YEATS4: variants seen among roughly 807,000 people sequenced by gnomAD.
YEATS4 encodes the protein YEATS domain containing 4.
YEATS4 carries 17 observed loss-of-function variants against 30.1 expected under a neutral mutation model. That is an observed-to-expected ratio of 0.56 (90% CI 0.39 to 0.85). The LOEUF is 0.85. YEATS4 is among the 40% of genes least tolerant of loss of function. The pLI is 0.00. For missense variants in YEATS4, 142 were observed against 268.3 expected (o/e 0.53, Z 3.29); for synonymous variants, 85 against 87.5 (o/e 0.97, Z 0.16).
At chr12:69,396,057 T>C in the YEATS4 span, among the ~76,000 whole-genome samples, 1 of 152,188 alleles carries the variant, frequency 6.6e-6, no homozygotes, top group African/African-American at 2.4e-5. Flanking sequence ...CAACTCTAGG[T>C]AGCCCTCCTG....
At chr12:69,412,283 T>C in the YEATS4 span, among the ~76,000 whole-genome samples, 1 of 152,184 alleles carries the variant, frequency 6.6e-6, no homozygotes, top group Non-Finnish European at 1.5e-5. Flanking sequence ...AGGCTGGCTC[T>C]AAGCACTTGA....
intron 6 of YEATS4, among the ~76,000 whole-genome samples, chr12:69,373,839 A>T (rs996692583): frequency 2.6e-5 from 4 of 152,234 alleles, no homozygotes; most frequent in African/African-American, 9.6e-5. Flanking sequence ...ATTCTTCTGC[A>T]TATAGATATC....
intron 4 of YEATS4, 92 bp downstream of exon 4, chr12:69,365,976 T>G: frequency 1.0e-6 from 1 of 975,572 alleles, no homozygotes; most frequent in South Asian, 2.1e-5. Context: ...CATTCAGATG[T>G]GTTTTATGTA....
chr12:69,382,901 CA>C (rs1182328477), intron 6 of YEATS4, among the ~76,000 whole-genome samples: 1 of 152,074 alleles, frequency 6.6e-6, no homozygotes, highest in Admixed American at 6.5e-5. Context: ...TGAGGAACTC[CA>C]AAAAAGTCAT....
intron 6 of YEATS4, among the ~76,000 whole-genome samples, chr12:69,381,198 C>T (rs190929731): frequency 2.4e-4 from 37 of 152,214 alleles, no homozygotes; most frequent in African/African-American, 8.2e-4. Context: ...AAAAGACAGC[C>T]GCCCCTGAAG....
the YEATS4 span, among the ~76,000 whole-genome samples, chr12:69,413,248 A>G: frequency 6.6e-6 from 1 of 151,948 alleles, no homozygotes; most frequent in Non-Finnish European, 1.5e-5. Context: ...CTTTGTCTCT[A>G]CAAACAGTGT....
chr12:69,421,012 GA>G, the YEATS4 span, among the ~76,000 whole-genome samples: 1 of 152,060 alleles, frequency 6.6e-6, no homozygotes, highest in Non-Finnish European at 1.5e-5. Context: ...CCATTCTAGG[GA>G]TATGCCACAT....
At chr12:69,397,020 C>T in the YEATS4 span, among the ~76,000 whole-genome samples, 1 of 152,092 alleles carries the variant, frequency 6.6e-6, no homozygotes, top group Non-Finnish European at 1.5e-5. Flanking sequence ...TGACATAGCA[C>T]ATGTAAAAGC....
the YEATS4 span, among the ~76,000 whole-genome samples, chr12:69,418,144 A>G: frequency 1.3e-5 from 2 of 152,284 alleles, no homozygotes; most frequent in Non-Finnish European, 2.9e-5. Context: ...GCAGGTGATA[A>G]TGCTGTTCAA....
chr12:69,371,962 G>T (rs923863705), intron 6 of YEATS4, among the ~76,000 whole-genome samples: 6 of 152,158 alleles, frequency 3.9e-5, no homozygotes, highest in Non-Finnish European at 5.9e-5. Flanking sequence ...GGAGCAGTGA[G>T]GACAAAGGCC....
chr12:69,378,831 T>A (rs1396688831), intron 6 of YEATS4, among the ~76,000 whole-genome samples: 6 of 152,216 alleles, frequency 3.9e-5, no homozygotes. Flanking sequence ...TGTAATAATA[T>A]TCTTTGTTTT....
downstream of YEATS4, among the ~76,000 whole-genome samples, chr12:69,394,060 A>G (rs1289812783): frequency 6.6e-6 from 1 of 152,150 alleles, no homozygotes; most frequent in Non-Finnish European, 1.5e-5. Context: ...GGAAGAATGG[A>G]TGGGAGGGAG....
At chr12:69,365,008 GA>G in intron 2 of YEATS4, among the ~76,000 whole-genome samples, 1 of 151,884 alleles carries the variant, frequency 6.6e-6, no homozygotes, top group Middle Eastern at 3.4e-3. Context: ...TGTTTTAATG[GA>G]AAAAAATCAA....
At chr12:69,363,345 T>C (rs376061415) in intron 2 of YEATS4, among the ~76,000 whole-genome samples, 3 of 152,288 alleles carry the variant, frequency 2.0e-5, no homozygotes, top group South Asian at 4.1e-4. Flanking sequence ...TGGTCCGTTG[T>C]AGGAATGTTG....
At chr12:69,371,016 C>G in intron 6 of YEATS4, 41 bp downstream of exon 6, 1 of 1,570,798 alleles carries the variant, frequency 6.4e-7, no homozygotes, top group South Asian at 1.2e-5. Flanking sequence ...ATAACGTATT[C>G]TGTAATAGTG....
intron 2 of YEATS4, among the ~76,000 whole-genome samples, chr12:69,364,476 A>T (rs915349281): frequency 6.6e-6 from 1 of 152,208 alleles, no homozygotes; most frequent in African/African-American, 2.4e-5. Context: ...TATATTTTAA[A>T]AGCCACTTTT....
At chr12:69,374,791 C>T (rs1261733099) in intron 6 of YEATS4, among the ~76,000 whole-genome samples, 1 of 152,182 alleles carries the variant, frequency 6.6e-6, no homozygotes, top group Non-Finnish European at 1.5e-5. Flanking sequence ...TCTACACAGA[C>T]ACAGTAACAA....
chr12:69,405,861 G>A, the YEATS4 span, among the ~76,000 whole-genome samples: 5 of 152,330 alleles, frequency 3.3e-5, no homozygotes, highest in East Asian at 5.8e-4. Flanking sequence ...AAGCAAAACC[G>A]TGAATACGGG....
intron 1 of YEATS4, among the ~76,000 whole-genome samples, chr12:69,360,432 C>T (rs1168576058): frequency 6.6e-6 from 1 of 152,182 alleles, no homozygotes; most frequent in Admixed American, 6.5e-5. Flanking sequence ...GAGCGCTTAC[C>T]CGCAGTATTT....
Sources: allele counts gnomAD v4.1 joint callset (sites outside exome capture counted in the v4.1 genomes callset), GRCh38; gene constraint gnomAD v4.1.1; transcripts MANE v1.5; gene names NCBI Gene and HGNC (gene_info 2026-07-23, HGNC 2026-07-21).